The following GNS variants were observed in gnomAD, a reference collection of about 807,000 sequenced individuals.
The protein encoded by GNS is N-acetylglucosamine-6-sulfatase.
A neutral mutation model predicts 69.7 loss-of-function variants in GNS; 40 were observed. That is an observed-to-expected ratio of 0.57 (90% confidence interval 0.45 to 0.75). GNS has a LOEUF of 0.75. Among genes scored for constraint, GNS ranks in the 30% least tolerant of loss-of-function variants. GNS has a pLI of 0.00. For synonymous variants in GNS, 243 were observed against 251.6 expected (o/e 0.97, Z 0.32); for missense variants, 565 against 685.5 (o/e 0.82, Z 1.96).
intron 1 of GNS, among the ~76,000 whole-genome samples, chr12:64,753,221 GAC>G (rs1870138164): frequency 6.6e-6 from 1 of 152,108 alleles, no homozygotes; most frequent in South Asian, 2.1e-4. Flanking sequence ...GTGGAGGCCA[GAC>G]ACACACTGTT....
rs572777717 is a variant in GNS at position 64,725,769 on chromosome 12, G to C, written c.1201-2656C>G. 9.2e-5 allele frequency among the ~76,000 whole-genome samples: 14 copies of C among 152,018 alleles called. No individual in the cohort carries two copies. The East Asian group carries it at 9.6e-4, about 10-fold the overall frequency. On this transcript the variant is annotated intron_variant, in intron 10 of 13. Transcript: ENST00000258145. Reference sequence around the variant, plus strand: ...CCCAGCACTTTAGGAGGCCAAGGAGGGGGGATCACGAGGTCGGGAGATCGA... The same window carrying C: ...CCCAGCACTTTAGGAGGCCAAGGAGCGGGGATCACGAGGTCGGGAGATCGA...
At chr12:64,728,068 T>C (rs958791135) in intron 10 of GNS, among the ~76,000 whole-genome samples, 5 of 152,066 alleles carry the variant, frequency 3.3e-5, no homozygotes, top group Admixed American at 2.6e-4. Flanking sequence ...GGATTACAGG[T>C]GCCCGCCACC....
Position 64,716,079 on chromosome 12 carries a change from C to G in GNS, c.*662G>C, listed in dbSNP as rs1868850037. 1 of 155,216 alleles carries G rather than the reference C, an allele frequency of 6.4e-6. No individual in the cohort carries two copies. The highest frequency in any genetic ancestry group is 1.4e-5 in the Non-Finnish European group (1 of 69,730). The allele number at this position is 155,216 out of a possible 1,614,324, so 9.6% of individuals were successfully genotyped here. A position where few individuals can be genotyped will look rare whatever the true frequency, so the allele number is the denominator to read the frequency against. ...GGAATTGGCCTTTATCACAAGCTTA[C>G]TGCTCTATTTCAGTGCAGCACCAGC... is the stretch of plus-strand genomic sequence containing the variant. On this transcript the variant is annotated 3_prime_UTR_variant, in exon 14 of 14. Coordinates refer to ENST00000258145, the MANE Select transcript of GNS (RefSeq NM_002076.4).
chr12:64,723,455 T>C (rs541130838), intron 10 of GNS, among the ~76,000 whole-genome samples: 46 of 152,366 alleles, frequency 3.0e-4, no homozygotes, highest in Non-Finnish European at 6.0e-4. Context: ...TAAATAATAC[T>C]GTCATATGCT....
At chr12:64,739,871 C>T (rs888785794) in intron 7 of GNS, among the ~76,000 whole-genome samples, 4 of 152,200 alleles carry the variant, frequency 2.6e-5, no homozygotes, top group African/African-American at 9.6e-5. Flanking sequence ...TGTCCATTCT[C>T]AGTACTGTGT....
At chr12:64,724,871 A>G (rs1307092414) in intron 10 of GNS, among the ~76,000 whole-genome samples, 1 of 152,150 alleles carries the variant, frequency 6.6e-6, no homozygotes, top group Admixed American at 6.5e-5. Flanking sequence ...GGAAAAAACA[A>G]ACAAACAAAC....
chr12:64,736,199 G>T (rs1353923139), intron 9 of GNS, among the ~76,000 whole-genome samples: 2 of 152,166 alleles, frequency 1.3e-5, no homozygotes, highest in African/African-American at 4.8e-5. Flanking sequence ...TTGGATGAAG[G>T]TCCTCATGAC....
intron 10 of GNS, among the ~76,000 whole-genome samples, chr12:64,723,645 G>A (rs1869103727): frequency 6.6e-6 from 1 of 152,212 alleles, no homozygotes; most frequent in Non-Finnish European, 1.5e-5. Context: ...TACATTCATG[G>A]TGTGGAAGGA....
chr12:64,731,052 T>A (rs1255382160), intron 9 of GNS, among the ~76,000 whole-genome samples: 1 of 152,200 alleles, frequency 6.6e-6, no homozygotes, highest in Non-Finnish European at 1.5e-5. Flanking sequence ...TGTTCCTTTT[T>A]TGGTGAGGTG....
At chr12:64,756,031 T>C (rs563800166) in intron 1 of GNS, among the ~76,000 whole-genome samples, 2 of 152,188 alleles carry the variant, frequency 1.3e-5, no homozygotes, top group African/African-American at 4.8e-5. Context: ...CACACTATAA[T>C]GATGTTTAAA....
intron 2 of GNS, among the ~76,000 whole-genome samples, chr12:64,752,299 C>T (rs925298621): frequency 2.0e-5 from 3 of 152,146 alleles, no homozygotes; most frequent in Admixed American, 6.5e-5. Flanking sequence ...AAATGAATTG[C>T]TAATACTTTA....
intron 7 of GNS, among the ~76,000 whole-genome samples, 166 bp from the exon 8 acceptor site, chr12:64,739,665 C>A (rs1869670483): frequency 6.6e-6 from 1 of 151,866 alleles, no homozygotes; most frequent in Admixed American, 6.6e-5. Context: ...AAAACACTCT[C>A]CCCCAAAACT....
intron 9 of GNS, among the ~76,000 whole-genome samples, chr12:64,729,831 G>A (rs1253832713): frequency 2.6e-5 from 4 of 152,042 alleles, no homozygotes; most frequent in African/African-American, 9.7e-5. Flanking sequence ...ATAAAAACAG[G>A]TAAAACTGTA....
chr12:64,716,533 C>G lies in GNS; in HGVS notation c.*208G>C. 1.6e-6 allele frequency: 1 copy of G among 618,138 alleles called. No homozygotes were observed. The highest frequency in any genetic ancestry group is 2.3e-5 in the Admixed American group (1 of 42,692). The allele number at this position is 618,138 out of a possible 1,614,324, so 38.3% of individuals were successfully genotyped here. Reference sequence around the variant, plus strand: ...GTCAGCTAAAGGAAGAGACCAGAGACAGCCACTCCTGACACATGGGCAGAG... The same window carrying G: ...GTCAGCTAAAGGAAGAGACCAGAGAGAGCCACTCCTGACACATGGGCAGAG... On this transcript the variant is annotated 3_prime_UTR_variant, in exon 14 of 14. Coordinates refer to ENST00000258145, the MANE Select transcript of GNS (RefSeq NM_002076.4).
intron 2 of GNS, among the ~76,000 whole-genome samples, chr12:64,748,919 C>G (rs964090074): frequency 5.9e-5 from 9 of 152,180 alleles, no homozygotes; most frequent in African/African-American, 1.9e-4. Flanking sequence ...TTTTGCCTTT[C>G]AAATTTGATT....
chr12:64,739,849 G>A lies in GNS; in HGVS notation c.876-350C>T, dbSNP rs114917907. On this transcript the variant is annotated intron_variant, in intron 7 of 13. Coordinates refer to ENST00000258145, the MANE Select transcript of GNS (RefSeq NM_002076.4). ...AATAGTGATGAGAGTAGAGACAATC[G>A]GAAGGAAGAGTTGTCCATTCTCAGT... 9.7e-3 allele frequency among the ~76,000 whole-genome samples: 1,470 copies of A among 152,298 alleles called. 19 individuals are homozygous for A. Among genetic ancestry groups the A allele is most frequent in the African/African-American group, 0.031 (1,275 of 41,548 alleles).
chr12:64,731,558 A>G (rs554129493), intron 9 of GNS, among the ~76,000 whole-genome samples: 1 of 152,358 alleles, frequency 6.6e-6, no homozygotes, highest in South Asian at 2.1e-4. Context: ...CTCCTCTTCT[A>G]GAATTTTATT....
At chr12:64,749,541 C>T (rs1431829563) in intron 2 of GNS, among the ~76,000 whole-genome samples, 3 of 152,108 alleles carry the variant, frequency 2.0e-5, no homozygotes, top group Admixed American at 1.3e-4. Context: ...CGTGAGCCAC[C>T]GTGTCTAGCC....
At position 64,743,133 on chromosome 12, in the gene GNS, G is replaced by T; in HGVS notation, c.792+8C>A. 1.2e-6 allele frequency: 2 copies of T among 1,601,978 alleles called. No individual in the cohort carries two copies. Among genetic ancestry groups the T allele is most frequent in the South Asian group, 1.1e-5 (1 of 90,796 alleles). ...GTATGGCTGAATACAAGTGGTGGGG[G>T]AAGCTACCGTTCCATGGATGTTGAA... On this transcript the variant is annotated splice_region_variant and intron_variant, in intron 6 of 13. Coordinates refer to ENST00000258145, the MANE Select transcript of GNS (RefSeq NM_002076.4).
Sources: allele counts gnomAD v4.1 joint callset (sites outside exome capture counted in the v4.1 genomes callset), GRCh38; gene constraint gnomAD v4.1.1; transcripts MANE v1.5; gene names NCBI Gene and HGNC (gene_info 2026-07-23, HGNC 2026-07-21).